NCOA4: variants seen among roughly 807,000 people sequenced by gnomAD.
NCOA4 encodes 70 kDa AR-activator.
Under a neutral mutation model 69.5 loss-of-function variants are expected in NCOA4, and 31 were observed. The observed-to-expected ratio is 0.45, with a 90% CI of 0.34 to 0.60. The LOEUF is 0.60. NCOA4 is among the 20% of genes least tolerant of loss of function. The pLI, the probability that NCOA4 is intolerant of heterozygous loss-of-function variation, is 0.02. For missense variants in NCOA4, 600 were observed against 719.2 expected, an observed-to-expected ratio of 0.83 and a Z score of 1.90; for synonymous variants, 228 against 252.4, an observed-to-expected ratio of 0.90 and a Z score of 0.92.
At chr10:46,020,154 A>G (rs1554924081) in intron 1 of NCOA4, among the ~76,000 whole-genome samples, 1 of 152,224 alleles carries the variant, frequency 6.6e-6, no homozygotes. Flanking sequence ...GTATGAGGTA[A>G]CTAGTTCACA....
Position 46,010,231 on chromosome 10 carries a change from T to C in NCOA4, c.1690A>G (p.Lys564Glu). ...SGEDKWLLRK[K>E]AQEVLLNSPL... ...TTGATGTTTATGCTCACCTGGGCCT[T>C]CTTTCGAAGCAGCCACTTGTCTTCT... The change falls in exon 8 of 10, where the codon AAG (lysine) becomes GAG (glutamate). Residue 564 changes from lysine (K) to glutamate (E), a missense_variant. By Grantham distance (56) the Lys-to-Glu change is moderately conservative. Coordinates refer to ENST00000581486, the MANE Select transcript of NCOA4 (RefSeq NM_001145263.2). 1 of 1,601,468 alleles carries C rather than the reference T, an allele frequency of 6.2e-7. No homozygotes were observed. The highest frequency in any genetic ancestry group is 8.5e-7 in the Non-Finnish European group (1 of 1,175,988).
intron 1 of NCOA4, among the ~76,000 whole-genome samples, chr10:46,026,334 T>C (rs926229152): frequency 2.0e-5 from 3 of 152,218 alleles, no homozygotes; most frequent in Admixed American, 6.5e-5. Context: ...CTCAGCTTCA[T>C]GGATTCACAC....
At chr10:46,014,822 C>T in intron 4 of NCOA4, 32 bp downstream of exon 4, 1 of 1,572,422 alleles carries the variant, frequency 6.4e-7, no homozygotes, top group East Asian at 2.2e-5. Flanking sequence ...GTTCAAGAGT[C>T]AAAAGTTAAA....
intron 1 of NCOA4, among the ~76,000 whole-genome samples, chr10:46,021,030 A>C (rs1401040627): frequency 6.6e-6 from 1 of 152,252 alleles, no homozygotes; most frequent in Non-Finnish European, 1.5e-5. Flanking sequence ...AACGAATAAC[A>C]AAACCTGGAG....
In NCOA4 at chr10:46,009,124, C is replaced by A. The variant is rs535978067; in HGVS notation, c.1839+287G>T. 3.7e-4 allele frequency: 571 copies of A among 1,538,572 alleles called. No individual in the cohort carries two copies. Among genetic ancestry groups the A allele is most frequent in the Non-Finnish European group, 4.8e-4 (544 of 1,136,404 alleles). Reference sequence around the variant, plus strand: ...TGCAGTGGCCTGGAACCAAACCCACCTTCGAGGTAGGTATATAAACTACTA... The same window carrying A: ...TGCAGTGGCCTGGAACCAAACCCACATTCGAGGTAGGTATATAAACTACTA... On this transcript the variant is annotated intron_variant, in intron 9 of 9. Transcript: ENST00000581486.
intron 6 of NCOA4, 110 bp from the exon 7 acceptor site, chr10:46,013,136 C>T (rs11592181): frequency 0.13 from 121,879 of 937,672 alleles, 8,412 homozygotes; most frequent in Non-Finnish European, 0.14. Context: ...AATCATGTGC[C>T]TTCCAAGAGC....
intron 7 of NCOA4, among the ~76,000 whole-genome samples, chr10:46,011,992 C>T (rs113211591): frequency 5.2e-4 from 73 of 139,356 alleles, no homozygotes; most frequent in Non-Finnish European, 1.0e-3. Flanking sequence ...ACCCGCAGGA[C>T]GGAGCTTGCA....
rs74134603 is a variant in NCOA4 at position 46,022,126 on chromosome 10, C to G, written c.-14-5432G>C. Reference sequence around the variant, plus strand: ...AGAATGAAAGCTCAGACTAGATCATCTGTAACCTCACCTTCCAACTCTCAC... The same window carrying G: ...AGAATGAAAGCTCAGACTAGATCATGTGTAACCTCACCTTCCAACTCTCAC... On this transcript the variant is annotated intron_variant, in intron 1 of 9. Transcript: ENST00000581486. Among the ~76,000 whole-genome samples, 1,519 of 152,306 alleles carry G rather than the reference C, an allele frequency of 1.0e-2. 20 individuals carry two copies. Among genetic ancestry groups the G allele is most frequent in the African/African-American group, 0.028 (1,180 of 41,564 alleles).
In NCOA4 at chr10:46,022,827, GC is replaced by G. The variant is rs1384057766; in HGVS notation, c.-14-6134del. ...TTATATACATCTTACCTTAGCCCCA[GC>G]CCATTTTAAATTCCTTATCAAGACA... is the stretch of plus-strand genomic sequence containing the variant. On this transcript the variant is annotated intron_variant, in intron 1 of 9. Transcript: ENST00000581486. Among the ~76,000 whole-genome samples, 3 of 152,098 alleles carry G rather than the reference GC, an allele frequency of 2.0e-5. No individual in the cohort carries two copies. In the East Asian group the frequency reaches 5.8e-4, roughly 29 times the overall value.
rs1253059390 is a variant in NCOA4 at position 46,009,660 on chromosome 10, T to C, written c.1699-109A>G. 32 of 1,057,762 alleles carry C rather than the reference T, an allele frequency of 3.0e-5. 1 individual carries two copies. Among genetic ancestry groups the C allele is most frequent in the African/African-American group, 1.8e-4 (11 of 62,516 alleles). 65.5% of individuals were successfully genotyped at this position (1,057,762 alleles called of 1,614,324 possible). On this transcript the variant is annotated intron_variant, in intron 8 of 9. Coordinates refer to ENST00000581486, the MANE Select transcript of NCOA4 (RefSeq NM_001145263.2). ...AATAATTTAAATGTTGGCCATTCTC[T>C]GTAACAACCAAAAACAAAGGTGACA...
chr10:46,016,582 T>C lies in NCOA4; in HGVS notation c.99A>G (p.Gly33=). Residue 33 remains glycine (G), a synonymous_variant, in exon 2 of 10, where the codon GGA becomes GGG. Coordinates refer to ENST00000581486, the MANE Select transcript of NCOA4 (RefSeq NM_001145263.2). The part of the protein sequence containing the change: ...ARRDLELAIG[G]VLRAEQQIKD... The stretch of plus-strand genomic sequence containing the variant: ...TAATTTGCTGTTCAGCCCGGAGAAC[T>C]CCACCAATAGCAAGCTCCAAGTCCC... The C allele has an allele frequency of 2.6e-6, 4 of 1,561,214 alleles. No homozygotes were observed. Among genetic ancestry groups the C allele is most frequent in the Non-Finnish European group, 2.6e-6 (3 of 1,147,516 alleles).
intron 1 of NCOA4, among the ~76,000 whole-genome samples, chr10:46,017,940 A>C (rs528806830): frequency 5.8e-4 from 88 of 152,356 alleles, no homozygotes; most frequent in Non-Finnish European, 1.2e-3. Context: ...TTGTGATACC[A>C]GTTATTTCCT....
At chr10:46,009,783 CA>C (rs1839091718) in intron 8 of NCOA4, among the ~76,000 whole-genome samples, 1 of 152,056 alleles carries the variant, frequency 6.6e-6, no homozygotes. Context: ...GGAAAATGCA[CA>C]AAAAAATCAT....
Position 46,010,540 on chromosome 10 carries a change from G to C in NCOA4, c.1381C>G (p.Leu461Val). 1 of 1,614,190 alleles carries C rather than the reference G, an allele frequency of 6.2e-7. No individual in the cohort carries two copies. Among genetic ancestry groups the C allele is most frequent in the Non-Finnish European group, 8.5e-7 (1 of 1,180,024 alleles). Residue 461 changes from leucine to valine, a missense_variant, in exon 8 of 10, where the codon CTC becomes GTC. Transcript: ENST00000581486. ...EKHKDSLNMWLCPRKEVIEQT... is the reference protein window; with the variant it reads ...EKHKDSLNMWVCPRKEVIEQT... ...TCTATTACTTCTTTTCTAGGACAGA[G>C]CCACATATTCAGGGAATCTTTATGC...
chr10:46,020,998 G>A (rs1315695223), intron 1 of NCOA4, among the ~76,000 whole-genome samples: 2 of 152,198 alleles, frequency 1.3e-5, no homozygotes, highest in Non-Finnish European at 2.9e-5. Context: ...AGTAAAGGAG[G>A]AGGAAACACA....
intron 1 of NCOA4, among the ~76,000 whole-genome samples, chr10:46,020,535 T>G (rs1554924149): frequency 2.0e-5 from 3 of 152,212 alleles, no homozygotes; most frequent in Non-Finnish European, 4.4e-5. Flanking sequence ...GGCTATGACC[T>G]TGCACCATTT....
At chr10:46,012,815 C>A in intron 7 of NCOA4, 68 bp downstream of exon 7, 1 of 1,565,774 alleles carries the variant, frequency 6.4e-7, no homozygotes, top group Non-Finnish European at 8.7e-7. Context: ...ACACATAGTA[C>A]TACTGATTAG....
chr10:46,030,244 G>C (rs1840385730), intron 1 of NCOA4, among the ~76,000 whole-genome samples: 1 of 152,140 alleles, frequency 6.6e-6, no homozygotes, highest in Non-Finnish European at 1.5e-5. Context: ...CCCACGGCCG[G>C]GCACGAGGAG....
intron 9 of NCOA4, among the ~76,000 whole-genome samples, chr10:46,007,063 T>G (rs1199658996): frequency 6.6e-6 from 1 of 152,172 alleles, no homozygotes; most frequent in Admixed American, 6.5e-5. Context: ...AAGCAAAGTT[T>G]TTTGTTGTTT....
Sources: gnomAD v4.1 joint callset for allele counts (sites outside exome capture counted in the v4.1 genomes callset) on GRCh38, gnomAD v4.1.1 for gene constraint, MANE v1.5 for transcripts, NCBI Gene and HGNC (gene_info 2026-07-23, HGNC 2026-07-21) for gene names.